Variants in TMEM98 observed in about 807,000 individuals in gnomAD.
The protein encoded by TMEM98 is transmembrane protein 98.
TMEM98 carries 18 observed loss-of-function variants against 25.0 expected under a neutral mutation model. The ratio of observed to expected loss-of-function variants is 0.72; its 90% CI spans 0.50 to 1.07. TMEM98 has a LOEUF of 1.07. Ranked by LOEUF, TMEM98 falls within the 50% of genes least tolerant of loss-of-function variation. TMEM98 has a pLI of 0.00. For missense variants in TMEM98, 241 were observed against 289.0 expected, an observed-to-expected ratio of 0.83 and a Z score of 1.20; for synonymous variants, 103 against 112.4, an observed-to-expected ratio of 0.92 and a Z score of 0.53.
In TMEM98 at chr17:32,942,156, GTTCCCCC is replaced by G. The variant is rs2091534404; in HGVS notation, c.*1166_*1172del. On this transcript the variant is annotated 3_prime_UTR_variant, in exon 8 of 8. Coordinates refer to ENST00000579849, the MANE Select transcript of TMEM98 (RefSeq NM_015544.3). ...ACAATAGCAATGACTTGAACGATGT[GTTCCCCC>G]TTTCTTCTGATATTAATATCTGTTC... is the stretch of plus-strand genomic sequence containing the variant. 1 of 152,188 alleles carries G rather than the reference GTTCCCCC, an allele frequency of 6.6e-6. No homozygotes were observed. Among genetic ancestry groups the G allele is most frequent in the African/African-American group, 2.4e-5 (1 of 41,430 alleles). The allele number at this position is 152,188 out of a possible 1,614,324, so 9.4% of individuals were successfully genotyped here.
intron 3 of TMEM98, among the ~76,000 whole-genome samples, chr17:32,932,702 G>T (rs1308958283): frequency 6.6e-6 from 1 of 152,148 alleles, no homozygotes; most frequent in Non-Finnish European, 1.5e-5. Flanking sequence ...AGTGTAACTA[G>T]GAAAAGGCAG....
At chr17:32,937,888 G>C (rs750809579) in intron 6 of TMEM98, among the ~76,000 whole-genome samples, 4 of 152,104 alleles carry the variant, frequency 2.6e-5, no homozygotes, top group African/African-American at 4.8e-5. Flanking sequence ...ACCACACCCG[G>C]CCTCCTTCCC....
At chr17:32,934,853 T>G (rs977849704) in intron 5 of TMEM98, among the ~76,000 whole-genome samples, 1 of 152,220 alleles carries the variant, frequency 6.6e-6, no homozygotes, top group Non-Finnish European at 1.5e-5. Flanking sequence ...AGGCAGAGGA[T>G]TTTTTCTTTG....
At chr17:32,929,743 C>G (rs1453648627) in intron 1 of TMEM98, among the ~76,000 whole-genome samples, 1 of 152,162 alleles carries the variant, frequency 6.6e-6, no homozygotes, top group Non-Finnish European at 1.5e-5. Context: ...GCACTTTAAG[C>G]CAGGCATGTC....
At position 32,941,734 on chromosome 17, in the gene TMEM98, G is replaced by C. The variant is rs1015417324; in HGVS notation, c.*741G>C. On this transcript the variant is annotated 3_prime_UTR_variant, in exon 8 of 8. Transcript: ENST00000579849. ...AAGGAGAGAGCCTAAGAATCCTGAG[G>C]ATGATTTCTGTGTATGCCTCAAAAT... 1.3e-5 allele frequency: 2 copies of C among 152,186 alleles called. No homozygotes were observed. Among genetic ancestry groups the C allele is most frequent in the African/African-American group, 4.8e-5 (2 of 41,446 alleles). The allele number at this position is 152,186 out of a possible 1,614,324, so 9.4% of individuals were successfully genotyped here. A position where few individuals can be genotyped will look rare whatever the true frequency, so the allele number is the denominator to read the frequency against.
At chr17:32,937,570 GC>G in intron 6 of TMEM98, among the ~76,000 whole-genome samples, 1 of 152,198 alleles carries the variant, frequency 6.6e-6, no homozygotes, top group South Asian at 2.1e-4. Context: ...TGGGCACTGG[GC>G]ATTCCTTCCC....
intron 1 of TMEM98, among the ~76,000 whole-genome samples, chr17:32,929,380 G>A (rs2091453622): frequency 6.6e-6 from 1 of 152,168 alleles, no homozygotes; most frequent in African/African-American, 2.4e-5. Flanking sequence ...AGGAAACCAA[G>A]TGGGTGGTCT....
In TMEM98 at chr17:32,931,629, CGCGAGACCT is replaced by C. The variant is rs1567696570; in HGVS notation, c.104_112del (p.Arg35_Leu37del). On this transcript the variant is annotated inframe_deletion, in exon 3 of 8. Transcript: ENST00000579849. ...GTTTGCAGGCAGCGCTACTGCCGGC[CGCGAGACCT>C]GCTGCAGCGCTATGATTCTAAGTGA... 1 of 1,605,352 alleles carries C rather than the reference CGCGAGACCT, an allele frequency of 6.2e-7. No homozygotes were observed. Among genetic ancestry groups the C allele is most frequent in the Admixed American group, 1.7e-5 (1 of 58,572 alleles).
intron 7 of TMEM98, among the ~76,000 whole-genome samples, chr17:32,939,898 C>T (rs778659317): frequency 6.6e-6 from 1 of 152,124 alleles, no homozygotes; most frequent in African/African-American, 2.4e-5. Context: ...CCCAGTTGGG[C>T]GGTGGGGCAG....
At chr17:32,935,690 C>T (rs567750249) in intron 5 of TMEM98, among the ~76,000 whole-genome samples, 16 of 152,142 alleles carry the variant, frequency 1.1e-4, no homozygotes, top group Admixed American at 5.9e-4. Flanking sequence ...TGGATAGAGG[C>T]GCACCCATGT....
At chr17:32,932,801 G>T (rs1482104769) in intron 3 of TMEM98, among the ~76,000 whole-genome samples, 1 of 152,192 alleles carries the variant, frequency 6.6e-6, no homozygotes, top group African/African-American at 2.4e-5. Context: ...AGGAACCACC[G>T]CCTCTCTGTA....
At chr17:32,928,598 G>A (rs12952271) in intron 1 of TMEM98, among the ~76,000 whole-genome samples, 39,664 of 151,572 alleles carry the variant, frequency 0.26, 5,251 homozygotes, top group East Asian at 0.3. Context: ...AGAAAAACAG[G>A]AAAACTTACT....
chr17:32,929,983 C>T (rs2091458086), intron 1 of TMEM98, among the ~76,000 whole-genome samples: 1 of 152,134 alleles, frequency 6.6e-6, no homozygotes, highest in African/African-American at 2.4e-5. Flanking sequence ...TATCTCCAAT[C>T]TCCAGTGCAT....
chr17:32,943,364 T>A lies in TMEM98; in HGVS notation c.*2371T>A, dbSNP rs2091540375. On this transcript the variant is annotated 3_prime_UTR_variant, in exon 8 of 8. Transcript: ENST00000579849. The stretch of plus-strand genomic sequence containing the variant: ...GAGTTGGCTGAAGTTACTTCCTCCC[T>A]TGGAAGGGGCTGGTTAGTGAGTGCC... The A allele has an allele frequency of 3.3e-5, 5 of 152,192 alleles. No individual in the cohort carries two copies. The highest frequency in any genetic ancestry group is 1.2e-4 in the African/African-American group (5 of 41,440). The allele number at this position is 152,192 out of a possible 1,614,324, so 9.4% of individuals were successfully genotyped here.
intron 4 of TMEM98, 43 bp downstream of exon 4, chr17:32,933,348 G>T (rs1722816315): frequency 6.2e-7 from 1 of 1,612,140 alleles, no homozygotes; most frequent in African/African-American, 1.3e-5. Context: ...TCTGGCAAAT[G>T]ATGCCCTTTG....
chr17:32,936,478 A>G (rs1175337422), intron 6 of TMEM98, 31 bp downstream of exon 6: 2 of 1,582,626 alleles, frequency 1.3e-6, no homozygotes. Context: ...AGGTCCCCAC[A>G]CTCCCTGAGG....
intron 1 of TMEM98, among the ~76,000 whole-genome samples, chr17:32,929,080 A>G (rs2091450828): frequency 1.3e-5 from 2 of 151,866 alleles, no homozygotes; most frequent in South Asian, 4.2e-4. Context: ...ATACTCTGAG[A>G]AACACAATCA....
At chr17:32,930,491 A>G (rs1210963328) in intron 1 of TMEM98, among the ~76,000 whole-genome samples, 2 of 152,256 alleles carry the variant, frequency 1.3e-5, no homozygotes. Flanking sequence ...CAGTCTCCTG[A>G]GTGAAAACTG....
chr17:32,936,902 C>T (rs1207022557), intron 6 of TMEM98, among the ~76,000 whole-genome samples: 10 of 152,264 alleles, frequency 6.6e-5, no homozygotes, highest in Non-Finnish European at 1.5e-5. Flanking sequence ...ATCCCTGGCC[C>T]AGGCCAGCAG....
Sources: gnomAD v4.1 joint callset for allele counts (sites outside exome capture counted in the v4.1 genomes callset) on GRCh38, gnomAD v4.1.1 for gene constraint, MANE v1.5 for transcripts, NCBI Gene and HGNC (gene_info 2026-07-23, HGNC 2026-07-21) for gene names.